The following NELL1 variants were observed in gnomAD, a reference collection of about 807,000 sequenced individuals.
NELL1 encodes protein kinase C-binding protein NELL1.
A neutral mutation model predicts 107.4 loss-of-function variants in NELL1; 76 were observed. That is an observed-to-expected ratio of 0.71 (90% CI 0.59 to 0.86). The LOEUF (loss-of-function observed/expected upper bound fraction) is 0.86. Among genes scored for constraint, NELL1 ranks in the 40% least tolerant of loss-of-function variants. The pLI is 0.00. For missense variants in NELL1, 1,024 were observed against 1,005.5 expected, an observed-to-expected ratio of 1.02 and a Z score of -0.25; for synonymous variants, 353 against 341.2, an observed-to-expected ratio of 1.03 and a Z score of -0.38.
chr11:21,294,168 G>C (rs2133963864), intron 14 of NELL1, among the ~76,000 whole-genome samples: 1 of 152,224 alleles, frequency 6.6e-6, no homozygotes, highest in Admixed American at 6.5e-5. Context: ...AGAGGCAACT[G>C]TTATCAGCCT....
intron 3 of NELL1, among the ~76,000 whole-genome samples, chr11:20,824,834 T>C (rs1857844254): frequency 6.6e-6 from 1 of 151,298 alleles, no homozygotes; most frequent in Admixed American, 6.6e-5. Context: ...GTTTGGAAAG[T>C]TTGTAGACTG....
rs1850985951 is a variant in NELL1 at position 20,947,433 on chromosome 11, G to A, written c.1169G>A (p.Arg390Lys). 3.1e-6 allele frequency: 5 copies of A among 1,613,574 alleles called. No homozygotes were observed. The highest frequency in any genetic ancestry group is 1.1e-5 in the South Asian group (1 of 91,070). Residue 390 changes from arginine (R) to lysine (K), a missense_variant and splice_region_variant, in exon 11 of 20, where the codon AGA (arginine) becomes AAA (lysine). Arg to Lys is a conservative substitution (Grantham distance 26, BLOSUM62 2). Transcript: ENST00000357134. ...GAGAATCAGTGCTGCCGTGTCTGTA[G>A]AGGTAAGTGGGCTTGGTGGTGGGCC... ...LPENQCCRVC[R>K]GHNFCAEGPK...
intron 13 of NELL1, among the ~76,000 whole-genome samples, chr11:21,164,420 C>T (rs893454751): frequency 2.0e-5 from 3 of 152,144 alleles, no homozygotes; most frequent in African/African-American, 7.2e-5. Flanking sequence ...TCACCCTCAA[C>T]AAGCTAATCT....
chr11:21,118,573 A>G (rs12276869), intron 13 of NELL1, among the ~76,000 whole-genome samples: 11,267 of 152,146 alleles, frequency 0.074, 1,367 homozygotes, highest in African/African-American at 0.26. Context: ...ATCTGCCACT[A>G]TAAAATGTCT....
intron 15 of NELL1, among the ~76,000 whole-genome samples, chr11:21,468,528 G>C (rs1854089135): frequency 2.0e-5 from 3 of 152,056 alleles, no homozygotes; most frequent in Non-Finnish European, 2.9e-5. Context: ...TTAAAAAAAG[G>C]TATGAGCATG....
chr11:20,803,004 A>G (rs1857309945), intron 3 of NELL1, among the ~76,000 whole-genome samples: 3 of 152,144 alleles, frequency 2.0e-5, no homozygotes, highest in Non-Finnish European at 2.9e-5. Context: ...AACAATGTTC[A>G]TCAGTGATAT....
chr11:21,525,264 G>A (rs1855821989), intron 15 of NELL1, among the ~76,000 whole-genome samples: 1 of 152,182 alleles, frequency 6.6e-6, no homozygotes, highest in African/African-American at 2.4e-5. Context: ...TGACTTCACT[G>A]TTAATAGCAG....
rs546873042 is a variant in NELL1 at position 21,492,244 on chromosome 11, A to T, written c.1646-42130A>T. Among the ~76,000 whole-genome samples, 78 of 152,206 alleles carry T rather than the reference A, an allele frequency of 5.1e-4. 3 individuals are homozygous for T. The South Asian group carries it at 0.015, about 29-fold the overall frequency. On this transcript the variant is annotated intron_variant, in intron 15 of 19. Coordinates refer to ENST00000357134, the MANE Select transcript of NELL1 (RefSeq NM_006157.5). ...GGCAATCATTAAAAAGTCAGGAAACAACAGGTGCTGGAGAGGATGTGGAGA... is the reference window on the plus strand; with the variant it reads ...GGCAATCATTAAAAAGTCAGGAAACTACAGGTGCTGGAGAGGATGTGGAGA...
chr11:20,946,806 T>C (rs1042066215), intron 10 of NELL1, among the ~76,000 whole-genome samples: 1 of 152,220 alleles, frequency 6.6e-6, no homozygotes, highest in African/African-American at 2.4e-5. Context: ...TGAGGCTTTA[T>C]TCCTCCCTCC....
chr11:21,507,523 A>G (rs940868018), intron 15 of NELL1, among the ~76,000 whole-genome samples: 1 of 152,222 alleles, frequency 6.6e-6, no homozygotes, highest in Non-Finnish European at 1.5e-5. Context: ...TTGGATTCAA[A>G]TAGATACTTC....
At chr11:21,474,452 A>C (rs1375029541) in intron 15 of NELL1, among the ~76,000 whole-genome samples, 2 of 152,118 alleles carry the variant, frequency 1.3e-5, no homozygotes, top group Admixed American at 6.6e-5. Flanking sequence ...AAAGCCAAGA[A>C]CAATATTCAG....
At chr11:20,801,906 T>C (rs1857287517) in intron 3 of NELL1, among the ~76,000 whole-genome samples, 1 of 152,184 alleles carries the variant, frequency 6.6e-6, no homozygotes, top group African/African-American at 2.4e-5. Context: ...TGTATGAATT[T>C]GTTCTTGTGT....
rs574645126 is a variant in NELL1, at chr11:21,100,653, T to A, written c.1301-12936T>A. ...ACTTGAGGAGATACTTGTACACCAATGTTGCAGCATTATTCACAACAGCCA... is the reference window on the plus strand; with the variant it reads ...ACTTGAGGAGATACTTGTACACCAAAGTTGCAGCATTATTCACAACAGCCA... On this transcript the variant is annotated intron_variant, in intron 12 of 19. Transcript: ENST00000357134. Among the ~76,000 whole-genome samples the A allele has an allele frequency of 5.9e-5, 9 of 152,308 alleles. No individual in the cohort carries two copies. In the East Asian group the frequency reaches 1.7e-3, roughly 29 times the overall value.
At chr11:21,152,901 G>A (rs964233014) in intron 13 of NELL1, among the ~76,000 whole-genome samples, 1 of 151,958 alleles carries the variant, frequency 6.6e-6, no homozygotes, top group African/African-American at 2.4e-5. Context: ...CTGTTTTCCT[G>A]TTTTTCTGCA....
chr11:21,339,454 C>A (rs1279818679), intron 14 of NELL1, among the ~76,000 whole-genome samples: 2 of 152,198 alleles, frequency 1.3e-5, no homozygotes, highest in Non-Finnish European at 2.9e-5. Flanking sequence ...CAATGAATTT[C>A]TGTTGTTTAA....
intron 2 of NELL1, among the ~76,000 whole-genome samples, chr11:20,719,628 T>TG (rs1855332638): frequency 6.6e-6 from 1 of 152,216 alleles, no homozygotes. Flanking sequence ...TTCACTTTCT[T>TG]GGGGTCCTTC....
rs564284784 is a variant in NELL1, at chr11:21,436,288, C to T, written c.1645+65340C>T. Among the ~76,000 whole-genome samples the T allele has an allele frequency of 2.6e-5, 4 of 152,218 alleles. 1 individual carries two copies. The highest frequency in any genetic ancestry group is 1.3e-4 in the Admixed American group (2 of 15,294). The stretch of plus-strand genomic sequence containing the variant: ...CAGGATGGTCTCAAAATCTTGACCT[C>T]GTGGTCAGCCCGCCTCAGCCTCCTG... On this transcript the variant is annotated intron_variant, in intron 15 of 19. Coordinates refer to ENST00000357134, the MANE Select transcript of NELL1 (RefSeq NM_006157.5).
chr11:21,234,744 A>G (rs1291419829), intron 14 of NELL1, among the ~76,000 whole-genome samples: 4 of 152,324 alleles, frequency 2.6e-5, no homozygotes, highest in Non-Finnish European at 5.9e-5. Flanking sequence ...AACTGTGTAC[A>G]AGGAAAACAC....
intron 12 of NELL1, among the ~76,000 whole-genome samples, chr11:21,083,740 G>A (rs1203458828): frequency 1.3e-5 from 2 of 152,176 alleles, no homozygotes; most frequent in African/African-American, 4.8e-5. Context: ...AGTATTGAAA[G>A]TGTTCATCTG....
Sources: allele counts gnomAD v4.1 joint callset (sites outside exome capture counted in the v4.1 genomes callset), GRCh38; gene constraint gnomAD v4.1.1; transcripts MANE v1.5; gene names NCBI Gene and HGNC (gene_info 2026-07-23, HGNC 2026-07-21).